RPAP2: variants seen among roughly 807,000 people sequenced by gnomAD.
The protein encoded by RPAP2 is putative RNA polymerase II subunit B1 CTD phosphatase RPAP2.
A neutral mutation model predicts 73.1 loss-of-function variants in RPAP2; 52 were observed. The observed-to-expected ratio is 0.71, with a 90% CI of 0.57 to 0.90. RPAP2 has a LOEUF of 0.90. Among genes scored for constraint, RPAP2 ranks in the 40% least tolerant of loss-of-function variants. The pLI, the probability that RPAP2 is intolerant of heterozygous loss-of-function variation, is 0.00. For missense variants in RPAP2, 598 were observed against 701.8 expected (o/e 0.85, Z 1.67); for synonymous variants, 225 against 242.1 (o/e 0.93, Z 0.65).
intron 12 of RPAP2, among the ~76,000 whole-genome samples, chr1:92,381,108 T>G (rs1655608283): frequency 6.6e-6 from 1 of 152,158 alleles, no homozygotes; most frequent in African/African-American, 2.4e-5. Context: ...CAGTTCTGTT[T>G]TTTGCAGTCC....
In RPAP2 at chr1:92,324,003, T is replaced by C; in HGVS notation, c.1083T>C (p.Val361=). ...GTTCAGTGCAGGTGTGTCCTGAAGTTGGAAAGAGAAACTTACTTAAAGTTT... is the reference window on the plus strand; with the variant it reads ...GTTCAGTGCAGGTGTGTCCTGAAGTCGGAAAGAGAAACTTACTTAAAGTTT... ...VSSSVQVCPE[V]GKRNLLKVLK... The change falls in exon 8 of 13, where the codon GTT becomes GTC. Residue 361 remains valine, a synonymous_variant. Coordinates refer to ENST00000610020, the MANE Select transcript of RPAP2 (RefSeq NM_024813.3). 1 of 1,614,010 alleles carries C rather than the reference T, an allele frequency of 6.2e-7. No individual in the cohort carries two copies. The highest frequency in any genetic ancestry group is 8.5e-7 in the Non-Finnish European group (1 of 1,179,974).
At chr1:92,302,440 C>T (rs902003341) in intron 3 of RPAP2, among the ~76,000 whole-genome samples, 2 of 151,464 alleles carry the variant, frequency 1.3e-5, no homozygotes, top group African/African-American at 4.8e-5. Flanking sequence ...ATTGCAATTC[C>T]AGTTTTCTAT....
chr1:92,345,459 G>A (rs1653839074), intron 10 of RPAP2, among the ~76,000 whole-genome samples: 1 of 150,756 alleles, frequency 6.6e-6, no homozygotes, highest in Non-Finnish European at 1.5e-5. Flanking sequence ...GAGGGACAGA[G>A]GGAGGGAGGG....
Position 92,336,327 on chromosome 1 carries a change from T to G in RPAP2, c.1539-20T>G, listed in dbSNP as rs780069021. 6.4e-7 allele frequency: 1 copy of G among 1,567,658 alleles called. No homozygotes were observed. The highest frequency in any genetic ancestry group is 8.7e-7 in the Non-Finnish European group (1 of 1,143,272). On this transcript the variant is annotated intron_variant, in intron 9 of 12. Transcript: ENST00000610020. The stretch of plus-strand genomic sequence containing the variant: ...CCATATAATTTTGTTTTAAAATAAA[T>G]GTAATTTTTAAATTTTCAGGTTGCC...
chr1:92,319,837 A>G (rs548572474), intron 6 of RPAP2, among the ~76,000 whole-genome samples: 28 of 152,258 alleles, frequency 1.8e-4, no homozygotes, highest in African/African-American at 6.5e-4. Flanking sequence ...CATCTCTACT[A>G]AAAATACAAA....
At chr1:92,339,708 ATAT>A (rs1653496277) in intron 10 of RPAP2, among the ~76,000 whole-genome samples, 1 of 152,034 alleles carries the variant, frequency 6.6e-6, no homozygotes, top group African/African-American at 2.4e-5. Flanking sequence ...GTTTTTTAAA[ATAT>A]TATTATTATT....
intron 11 of RPAP2, among the ~76,000 whole-genome samples, chr1:92,372,895 A>C (rs1350972073): frequency 6.6e-6 from 1 of 152,226 alleles, no homozygotes; most frequent in East Asian, 1.9e-4. Flanking sequence ...AGCCAGAGTG[A>C]CACAGCAAGG....
chr1:92,322,751 C>T (rs1354148942), intron 7 of RPAP2, among the ~76,000 whole-genome samples: 2 of 151,256 alleles, frequency 1.3e-5, no homozygotes, highest in Admixed American at 6.6e-5. Flanking sequence ...GTGGTGCCCA[C>T]GTGTAATCCC....
chr1:92,348,641 C>T (rs1027272397), intron 11 of RPAP2, among the ~76,000 whole-genome samples: 1 of 152,106 alleles, frequency 6.6e-6, no homozygotes, highest in Non-Finnish European at 1.5e-5. Flanking sequence ...TATTTCTGCC[C>T]CCACTGGAAA....
At chr1:92,344,587 G>A (rs1010119521) in intron 10 of RPAP2, among the ~76,000 whole-genome samples, 19 of 151,890 alleles carry the variant, frequency 1.3e-4, no homozygotes, top group African/African-American at 4.1e-4. Flanking sequence ...TTTTTTTTAT[G>A]TATAAGTGAG....
intron 11 of RPAP2, among the ~76,000 whole-genome samples, chr1:92,350,945 G>A (rs1654172349): frequency 6.6e-6 from 1 of 151,280 alleles, no homozygotes; most frequent in African/African-American, 2.4e-5. Context: ...ATAAAAGATA[G>A]TCTTCTATAA....
At chr1:92,367,416 A>C (rs1361731394) in intron 11 of RPAP2, among the ~76,000 whole-genome samples, 4 of 152,220 alleles carry the variant, frequency 2.6e-5, no homozygotes, top group Non-Finnish European at 5.9e-5. Context: ...TAATTGGTTA[A>C]AGTGATAAAC....
intron 6 of RPAP2, among the ~76,000 whole-genome samples, chr1:92,312,920 C>G (rs1388261957): frequency 1.3e-5 from 2 of 151,924 alleles, no homozygotes; most frequent in Non-Finnish European, 2.9e-5. Context: ...CTCCTCAGTT[C>G]AGTGGCGAAA....
At chr1:92,368,875 T>TA (rs902873704) in intron 11 of RPAP2, among the ~76,000 whole-genome samples, 3 of 152,234 alleles carry the variant, frequency 2.0e-5, no homozygotes, top group African/African-American at 7.2e-5. Flanking sequence ...CTTTTGTTGT[T>TA]ACGCCACTTA....
intron 11 of RPAP2, among the ~76,000 whole-genome samples, chr1:92,373,712 A>G (rs369750040): frequency 4.3e-4 from 59 of 138,658 alleles, no homozygotes; most frequent in African/African-American, 1.5e-3. Flanking sequence ...CCTGGCCAAC[A>G]TGGTGAAACC....
At position 92,387,097 on chromosome 1, in the gene RPAP2, A is replaced by G. The variant is rs1655896660; in HGVS notation, c.*86A>G. The G allele has an allele frequency of 2.2e-6, 3 of 1,349,886 alleles. No individual in the cohort carries two copies. The highest frequency in any genetic ancestry group is 2.0e-6 in the Non-Finnish European group (2 of 980,262). 83.6% of individuals were successfully genotyped at this position (1,349,886 alleles called of 1,614,324 possible). A position where few individuals can be genotyped will look rare whatever the true frequency, so the allele number is the denominator to read the frequency against. ...CGCCATGATGGTCTGGTGGTGACTG[A>G]TAACTAGTTTTATTCCAAGACATAC... On this transcript the variant is annotated 3_prime_UTR_variant, in exon 13 of 13. Transcript: ENST00000610020.
At chr1:92,366,625 A>G (rs149749463) in intron 11 of RPAP2, among the ~76,000 whole-genome samples, 9 of 152,334 alleles carry the variant, frequency 5.9e-5, no homozygotes, top group African/African-American at 2.2e-4. Context: ...TCAATAACAA[A>G]CAAGCAAGGC....
At chr1:92,307,894 A>G (rs1651347274) in intron 6 of RPAP2, among the ~76,000 whole-genome samples, 1 of 152,172 alleles carries the variant, frequency 6.6e-6, no homozygotes, top group African/African-American at 2.4e-5. Context: ...TATGGTAATT[A>G]AACTGTATTG....
intron 11 of RPAP2, among the ~76,000 whole-genome samples, chr1:92,358,944 G>A (rs1408587650): frequency 2.0e-5 from 3 of 152,086 alleles, no homozygotes; most frequent in Non-Finnish European, 1.5e-5. Flanking sequence ...CCTATCCTTT[G>A]TTCTTGACCT....
Sources: gnomAD v4.1 joint callset for allele counts (sites outside exome capture counted in the v4.1 genomes callset) on GRCh38, gnomAD v4.1.1 for gene constraint, MANE v1.5 for transcripts, NCBI Gene and HGNC (gene_info 2026-07-23, HGNC 2026-07-21) for gene names.